The following PPM1H variants were observed in gnomAD, a reference collection of about 807,000 sequenced individuals.
The protein encoded by PPM1H is protein phosphatase 1H.
A neutral mutation model predicts 54.9 loss-of-function variants in PPM1H; 27 were observed. That is an observed-to-expected ratio of 0.49 (90% CI 0.36 to 0.68). The LOEUF is 0.68. Among genes scored for constraint, PPM1H ranks in the 30% least tolerant of loss-of-function variants. The pLI, the probability that PPM1H is intolerant of heterozygous loss-of-function variation, is 0.00. For synonymous variants in PPM1H, 305 were observed against 270.8 expected, an observed-to-expected ratio of 1.13 and a Z score of -1.24; for missense variants, 596 against 667.8, an observed-to-expected ratio of 0.89 and a Z score of 1.19.
At chr12:62,817,116 TAAAAAAAAAAAAAAAAAAAAG>T (rs1240700830) in intron 2 of PPM1H, among the ~76,000 whole-genome samples, 18 of 41,792 alleles carry the variant, frequency 4.3e-4, no homozygotes, top group South Asian at 1.0e-3. Flanking sequence ...ACTGCATTAC[TAAAAAAAAAAAAAAAAAAAAG>T]AAAAAAAAAA....
intron 5 of PPM1H, among the ~76,000 whole-genome samples, chr12:62,723,102 A>G (rs1426736347): frequency 6.6e-6 from 1 of 152,234 alleles, no homozygotes; most frequent in Non-Finnish European, 1.5e-5. Context: ...TCATCTGGCA[A>G]CACAGTCCAC....
chr12:62,827,192 C>T (rs1372108851), intron 2 of PPM1H, among the ~76,000 whole-genome samples: 3 of 152,172 alleles, frequency 2.0e-5, no homozygotes, highest in African/African-American at 4.8e-5. Context: ...TCAGTATACT[C>T]AAAACGCAAG....
At chr12:62,885,465 T>C (rs1283265840) in intron 1 of PPM1H, among the ~76,000 whole-genome samples, 1 of 152,152 alleles carries the variant, frequency 6.6e-6, no homozygotes, top group African/African-American at 2.4e-5. Flanking sequence ...TTTTGAATAC[T>C]CAGAGTCTAC....
intron 4 of PPM1H, chr12:62,756,098 C>A: frequency 2.1e-6 from 2 of 944,100 alleles, no homozygotes; most frequent in Non-Finnish European, 3.4e-6. Context: ...GCGACATCCA[C>A]TCTTCAACCT....
At chr12:62,730,403 A>G (rs1181152451) in intron 5 of PPM1H, among the ~76,000 whole-genome samples, 2 of 152,156 alleles carry the variant, frequency 1.3e-5, no homozygotes, top group Non-Finnish European at 2.9e-5. Context: ...AGACTGCCAA[A>G]CTCTTTTTCA....
At chr12:62,747,435 A>G (rs2076419293) in intron 4 of PPM1H, among the ~76,000 whole-genome samples, 1 of 152,074 alleles carries the variant, frequency 6.6e-6, no homozygotes, top group Admixed American at 6.6e-5. Flanking sequence ...TGTGCCTGGC[A>G]ATTTTTAAAA....
chr12:62,873,239 C>A (rs1403743038), intron 1 of PPM1H, among the ~76,000 whole-genome samples: 1 of 152,202 alleles, frequency 6.6e-6, no homozygotes, highest in Non-Finnish European at 1.5e-5. Flanking sequence ...GACCTTAGCA[C>A]AGGCTACTGC....
chr12:62,860,798 C>G (rs1869571274), intron 1 of PPM1H, among the ~76,000 whole-genome samples: 1 of 152,204 alleles, frequency 6.6e-6, no homozygotes, highest in African/African-American at 2.4e-5. Flanking sequence ...CGATTTACAG[C>G]AGTTTGAATT....
chr12:62,920,156 T>C (rs1174331145), intron 1 of PPM1H, among the ~76,000 whole-genome samples: 37 of 152,160 alleles, frequency 2.4e-4, no homozygotes. Context: ...ATCGCACTCT[T>C]TGGCTCCACT....
intron 4 of PPM1H, among the ~76,000 whole-genome samples, chr12:62,741,204 A>G (rs1234893083): frequency 6.6e-6 from 1 of 151,736 alleles, no homozygotes; most frequent in African/African-American, 2.4e-5. Flanking sequence ...TTCTCACCCC[A>G]TATGTCCAAA....
chr12:62,699,070 T>G (rs561553020), intron 6 of PPM1H, among the ~76,000 whole-genome samples: 3 of 152,198 alleles, frequency 2.0e-5, no homozygotes, highest in African/African-American at 7.2e-5. Context: ...CTGGCCAAGC[T>G]AACCACACAA....
chr12:62,755,478 C>T (rs940730229), intron 4 of PPM1H: 15 of 680,222 alleles, frequency 2.2e-5, no homozygotes, highest in Non-Finnish European at 3.8e-5. Context: ...CCTCCAAAAT[C>T]AGATGGGGCA....
intron 5 of PPM1H, among the ~76,000 whole-genome samples, chr12:62,728,741 A>G (rs997973544): frequency 6.6e-6 from 1 of 152,122 alleles, no homozygotes; most frequent in Non-Finnish European, 1.5e-5. Flanking sequence ...AGGGCAAGGA[A>G]AAAAGGGTAG....
chr12:62,831,770 T>C (rs981452884), intron 2 of PPM1H, among the ~76,000 whole-genome samples: 22 of 149,790 alleles, frequency 1.5e-4, no homozygotes, highest in East Asian at 6.0e-4. Context: ...TATATATATA[T>C]ACACACATAT....
At chr12:62,766,272 C>A (rs773227719) in intron 4 of PPM1H, among the ~76,000 whole-genome samples, 7 of 152,122 alleles carry the variant, frequency 4.6e-5, no homozygotes, top group Non-Finnish European at 1.0e-4. Context: ...TAGTTCTGGG[C>A]ATCTTAAGTG....
At chr12:62,888,098 T>C (rs1479633080) in intron 1 of PPM1H, among the ~76,000 whole-genome samples, 2 of 151,970 alleles carry the variant, frequency 1.3e-5, no homozygotes, top group East Asian at 1.9e-4. Context: ...GTAGTGAAGA[T>C]GGAGAGAAGA....
At chr12:62,765,559 G>C (rs932686718) in intron 4 of PPM1H, among the ~76,000 whole-genome samples, 1 of 152,164 alleles carries the variant, frequency 6.6e-6, no homozygotes, top group Non-Finnish European at 1.5e-5. Context: ...GCTTCTAGAA[G>C]AGTTTTGAGA....
Position 62,647,093 on chromosome 12 carries a change from A to AAGTG in PPM1H, c.*1392_*1395dup, listed in dbSNP as rs2075790067. The AAGTG allele has an allele frequency of 1.3e-5, 2 of 152,226 alleles. No individual in the cohort carries two copies. Among genetic ancestry groups the AAGTG allele is most frequent in the South Asian group, 4.1e-4 (2 of 4,832 alleles). 9.4% of individuals were successfully genotyped at this position (152,226 alleles called of 1,614,324 possible). A position where few individuals can be genotyped will look rare whatever the true frequency, so the allele number is the denominator to read the frequency against. On this transcript the variant is annotated 3_prime_UTR_variant, in exon 10 of 10. Coordinates refer to ENST00000228705, the MANE Select transcript of PPM1H (RefSeq NM_020700.2). ...CCGTACAAGTCTGCCTAAGAGACAGAAGTGAGTTTTATAATCTACTTGGCC... is the reference window on the plus strand; with the variant it reads ...CCGTACAAGTCTGCCTAAGAGACAGAAGTGAGTGAGTTTTATAATCTACTTGGCC...
chr12:62,904,328 T>A (rs928453716), intron 1 of PPM1H, among the ~76,000 whole-genome samples: 3 of 152,080 alleles, frequency 2.0e-5, no homozygotes, highest in South Asian at 4.2e-4. Context: ...AACCTCCACC[T>A]CCCAGGCTCA....
Sources: gnomAD v4.1 joint callset for allele counts (sites outside exome capture counted in the v4.1 genomes callset) on GRCh38, gnomAD v4.1.1 for gene constraint, MANE v1.5 for transcripts, NCBI Gene and HGNC (gene_info 2026-07-23, HGNC 2026-07-21) for gene names.